The following MYOM1 variants were observed in gnomAD, a reference collection of about 807,000 sequenced individuals.
MYOM1 encodes myomesin-1.
MYOM1 carries 164 observed loss-of-function variants against 205.3 expected under a neutral mutation model. The ratio of observed to expected loss-of-function variants is 0.80; its 90% confidence interval spans 0.70 to 0.91. The LOEUF (loss-of-function observed/expected upper bound fraction) is 0.91. Among genes scored for constraint, MYOM1 ranks in the 40% least tolerant of loss-of-function variants. MYOM1 has a pLI of 0.00. For missense variants in MYOM1, 2,011 were observed against 2,127.3 expected, an observed-to-expected ratio of 0.95 and a Z score of 1.08; for synonymous variants, 772 against 789.4, an observed-to-expected ratio of 0.98 and a Z score of 0.37.
intron 16 of MYOM1, among the ~76,000 whole-genome samples, chr18:3,132,073 AAT>A (rs777188885): frequency 7.6e-4 from 112 of 146,974 alleles, no homozygotes; most frequent in South Asian, 1.9e-3. Context: ...CATATATAAT[AAT>A]ATATATGAGT....
upstream of MYOM1, among the ~76,000 whole-genome samples, chr18:3,220,919 T>C (rs1032614939): frequency 6.6e-6 from 1 of 152,224 alleles, no homozygotes; most frequent in Non-Finnish European, 1.5e-5. Context: ...TAAAAGCTCA[T>C]TGTTAGATTA....
the MYOM1 span, among the ~76,000 whole-genome samples, chr18:3,228,457 G>A: frequency 1.3e-5 from 2 of 152,046 alleles, no homozygotes. This position sits in a 1 kb window ranked among gnomAD's most constrained non-coding sequence, Gnocchi z 4.5. Context: ...CAAGAAGCCC[G>A]CGGAGAACTG....
intron 14 of MYOM1, among the ~76,000 whole-genome samples, chr18:3,138,259 A>G (rs1413139223): frequency 6.6e-6 from 1 of 152,198 alleles, no homozygotes; most frequent in Non-Finnish European, 1.5e-5. Flanking sequence ...TTTTCAAAAG[A>G]CTTTTCTGAA....
chr18:3,240,936 G>A, the MYOM1 span, among the ~76,000 whole-genome samples: 10 of 152,142 alleles, frequency 6.6e-5, no homozygotes, highest in East Asian at 3.9e-4. Context: ...GTGACATTTC[G>A]CCCCTGCCAT....
rs1029309912 is a variant in MYOM1 at position 3,095,335 on chromosome 18, G to A, written c.3728-1029C>T. Among the ~76,000 whole-genome samples the A allele has an allele frequency of 4.6e-5, 7 of 152,098 alleles. No homozygotes were observed. In the East Asian group the frequency reaches 9.7e-4, roughly 21 times the overall value. On this transcript the variant is annotated intron_variant, in intron 25 of 37. Coordinates refer to ENST00000356443, the MANE Select transcript of MYOM1 (RefSeq NM_003803.4). ...TGTAATCCTAATACTTGGGGAGGCCGAGGGGGGCAAATCCCTTGAGGTCAG... is the reference window on the plus strand; with the variant it reads ...TGTAATCCTAATACTTGGGGAGGCCAAGGGGGGCAAATCCCTTGAGGTCAG...
At chr18:3,075,432 A>C (rs1325739728) in intron 36 of MYOM1, 22 bp downstream of exon 36, 2 of 1,606,234 alleles carry the variant, frequency 1.2e-6, no homozygotes, top group South Asian at 2.2e-5. Flanking sequence ...ACTTGTGAAA[A>C]GTAAAAAAAA....
intron 21 of MYOM1, among the ~76,000 whole-genome samples, chr18:3,113,268 ATG>A (rs2079555901): frequency 6.7e-6 from 1 of 149,902 alleles, no homozygotes; most frequent in African/African-American, 2.5e-5. Flanking sequence ...GTATATGTGT[ATG>A]TATATATATG....
At chr18:3,158,877 G>A (rs770391043) in intron 10 of MYOM1, among the ~76,000 whole-genome samples, 3 of 152,134 alleles carry the variant, frequency 2.0e-5, no homozygotes, top group Non-Finnish European at 4.4e-5. Context: ...GCCTCCCAAA[G>A]TGCTGGGATT....
the MYOM1 span, among the ~76,000 whole-genome samples, chr18:3,229,976 C>CAAAAAAAA: frequency 1.5e-4 from 12 of 79,058 alleles, no homozygotes; most frequent in East Asian, 4.3e-4. Flanking sequence ...AACTCCATCT[C>CAAAAAAAA]AAAAAAAAAA....
At chr18:3,105,786 C>T (rs975800355) in intron 22 of MYOM1, among the ~76,000 whole-genome samples, 3 of 152,102 alleles carry the variant, frequency 2.0e-5, no homozygotes, top group African/African-American at 4.8e-5. Context: ...ACCTGAGAGA[C>T]GGAGGTTGCA....
chr18:3,231,727 A>G, the MYOM1 span, among the ~76,000 whole-genome samples: 5 of 151,418 alleles, frequency 3.3e-5, no homozygotes, highest in East Asian at 7.9e-4. Context: ...TATTTTTAGT[A>G]GAGACGGGGT....
chr18:3,116,683 C>T (rs2079611517), intron 20 of MYOM1, among the ~76,000 whole-genome samples, 168 bp from the exon 21 acceptor site: 1 of 152,122 alleles, frequency 6.6e-6, no homozygotes, highest in Admixed American at 6.5e-5. Context: ...ACAACGTTTT[C>T]GTACTGCTCT....
chr18:3,072,879 T>C (rs1481305274), intron 36 of MYOM1, among the ~76,000 whole-genome samples: 1 of 152,096 alleles, frequency 6.6e-6, no homozygotes, highest in East Asian at 1.9e-4. Flanking sequence ...CAAGCGTAGC[T>C]TGGCCTCTTT....
chr18:3,091,879 G>A (rs996688287), intron 26 of MYOM1, among the ~76,000 whole-genome samples: 8 of 151,954 alleles, frequency 5.3e-5, no homozygotes, highest in African/African-American at 1.9e-4. Flanking sequence ...CTACAGGCGT[G>A]TGCCACCATA....
chr18:3,100,944 C>T (rs2079367202), intron 23 of MYOM1, among the ~76,000 whole-genome samples: 1 of 152,164 alleles, frequency 6.6e-6, no homozygotes, highest in African/African-American at 2.4e-5. Context: ...CACCCTGTAC[C>T]TTGTCTGGCA....
the MYOM1 span, chr18:3,245,945 C>T: frequency 1.3e-5 from 2 of 152,300 alleles, no homozygotes; most frequent in East Asian, 1.9e-4. Flanking sequence ...TCCTCCCGCC[C>T]CCATCCCCAA....
At chr18:3,148,806 A>G (rs1484052809) in intron 13 of MYOM1, among the ~76,000 whole-genome samples, 2 of 127,924 alleles carry the variant, frequency 1.6e-5, no homozygotes, top group African/African-American at 2.9e-5. Context: ...AGATCGCACC[A>G]TTGCACTCCA....
At chr18:3,196,279 A>G (rs1004585630) in intron 2 of MYOM1, among the ~76,000 whole-genome samples, 3 of 152,248 alleles carry the variant, frequency 2.0e-5, no homozygotes, top group African/African-American at 4.8e-5. Flanking sequence ...CTGAAGTCCA[A>G]CATCTTACTC....
intron 19 of MYOM1, among the ~76,000 whole-genome samples, chr18:3,124,672 G>A (rs556035198): frequency 1.4e-5 from 2 of 144,574 alleles, no homozygotes; most frequent in African/African-American, 5.5e-5. Flanking sequence ...ATGTCTCTGT[G>A]GGGGGGGGTT....
Sources: gnomAD v4.1 joint callset for allele counts (sites outside exome capture counted in the v4.1 genomes callset) on GRCh38, gnomAD v4.1.1 for gene constraint, Gnocchi (gnomAD v3.1) non-coding constraint, MANE v1.5 for transcripts, NCBI Gene and HGNC (gene_info 2026-07-23, HGNC 2026-07-21) for gene names.